MEIS1: variants seen among roughly 807,000 people sequenced by gnomAD.
The protein encoded by MEIS1 is homeobox protein Meis1.
A neutral mutation model predicts 50.8 loss-of-function variants in MEIS1; 5 were observed. That is an observed-to-expected ratio of 0.10 (90% CI 0.05 to 0.21). The LOEUF is 0.21. Among genes scored for constraint, MEIS1 ranks in the 10% least tolerant of loss-of-function variants. The pLI is 1.00. For missense variants in MEIS1, 318 were observed against 517.3 expected (o/e 0.61, Z 3.74); for synonymous variants, 176 against 179.3 (o/e 0.98, Z 0.15).
At chr2:66,444,489 G>C (rs1453505971) in intron 6 of MEIS1, among the ~76,000 whole-genome samples, 2 of 152,242 alleles carry the variant, frequency 1.3e-5, no homozygotes, top group African/African-American at 2.4e-5. Context: ...TGGGGAGCGA[G>C]AAACAGGCAG....
chr2:66,555,280 C>CTCTCTCTCTCTCTCTCTCTCCCTCT (rs10695722), intron 9 of MEIS1, among the ~76,000 whole-genome samples: 4 of 133,922 alleles, frequency 3.0e-5, no homozygotes, highest in African/African-American at 1.1e-4. Flanking sequence ...CTCTCTCTCT[C>CTCTCTCTCTCTCTCTCTCTCCCTCT]GTCTCTCTCC....
chr2:66,484,173 G>A (rs574140531), intron 7 of MEIS1, among the ~76,000 whole-genome samples: 111 of 152,198 alleles, frequency 7.3e-4, no homozygotes, highest in African/African-American at 2.7e-3. Flanking sequence ...GTAAGTTATG[G>A]GGAAGCAAAA....
chr2:66,453,520 C>T (rs142490508), intron 6 of MEIS1, among the ~76,000 whole-genome samples: 2 of 152,008 alleles, frequency 1.3e-5, no homozygotes, highest in African/African-American at 2.4e-5. Flanking sequence ...AGAAAGGCCT[C>T]CCTGATTATT....
intron 7 of MEIS1, chr2:66,509,228 A>G (rs911231758): frequency 1.1e-5 from 4 of 356,580 alleles, no homozygotes; most frequent in African/African-American, 2.2e-5. Context: ...AATCTATGAA[A>G]GTGTTTGCTT....
chr2:66,497,644 C>T (rs540829389), intron 7 of MEIS1, among the ~76,000 whole-genome samples: 7 of 152,240 alleles, frequency 4.6e-5, no homozygotes, highest in South Asian at 4.2e-4. Flanking sequence ...CCTGTAATTC[C>T]AGCACTTTAG....
chr2:66,439,850 C>G lies in MEIS1; in HGVS notation c.247C>G (p.Leu83Val). 6.2e-7 allele frequency: 1 copy of G among 1,613,122 alleles called. No individual in the cohort carries two copies. Among genetic ancestry groups the G allele is most frequent in the East Asian group, 2.2e-5 (1 of 44,844 alleles). ...TGTTGTATTTTCTTGCAGACACCCC[C>G]TCTTCCCTCTCTTAGCACTGATTTT... ...RDKDAIYGHP[L>V]FPLLALIFEK... Residue 83 changes from leucine (L) to valine (V), a missense_variant, in exon 3 of 13, where the codon CTC becomes GTC. Leu to Val is a conservative substitution (Grantham distance 32, BLOSUM62 1). Coordinates refer to ENST00000272369, the MANE Select transcript of MEIS1 (RefSeq NM_002398.3).
intron 7 of MEIS1, among the ~76,000 whole-genome samples, chr2:66,498,241 T>C (rs1330047030): frequency 6.6e-6 from 1 of 152,124 alleles, no homozygotes; most frequent in African/African-American, 2.4e-5. Context: ...TGCCAAACGA[T>C]GCGCGAAACA....
chr2:66,464,185 A>G lies in MEIS1; in HGVS notation c.707A>G (p.His236Arg). 1 of 1,603,880 alleles carries G rather than the reference A, an allele frequency of 6.2e-7. No homozygotes were observed. Among genetic ancestry groups the G allele is most frequent in the Non-Finnish European group, 8.5e-7 (1 of 1,175,434 alleles). ...ACCCCAGGCCCTTCCAGCGGTGGCCACACGTCACACAGTGGGGACAACAGC... is the reference window on the plus strand; with the variant it reads ...ACCCCAGGCCCTTCCAGCGGTGGCCGCACGTCACACAGTGGGGACAACAGC... ...GGTPGPSSGGHTSHSGDNSSE... is the reference protein window; with the variant it reads ...GGTPGPSSGGRTSHSGDNSSE... The change falls in exon 7 of 13, where the codon CAC becomes CGC. Residue 236 changes from histidine to arginine, a missense_variant. This residue lies in a region of MEIS1 where 48 missense variants were observed against 50.9 expected (regional missense o/e 0.94). Transcript: ENST00000272369.
At chr2:66,472,373 G>T (rs1240158041) in intron 7 of MEIS1, among the ~76,000 whole-genome samples, 1 of 152,164 alleles carries the variant, frequency 6.6e-6, no homozygotes, top group East Asian at 1.9e-4. Context: ...ATATTATCAT[G>T]AGTTGTGTTT....
rs551308236 is a variant in MEIS1 at position 66,435,558 on chromosome 2, CTT to C, written c.-287_-286del. 4.7e-4 allele frequency: 143 copies of C among 306,308 alleles called. No individual in the cohort carries two copies. The highest frequency in any genetic ancestry group is 1.7e-3 in the Middle Eastern group (2 of 1,148). 19.0% of individuals were successfully genotyped at this position (306,308 alleles called of 1,614,324 possible). On this transcript the variant is annotated 5_prime_UTR_variant, in exon 1 of 13. Coordinates refer to ENST00000272369, the MANE Select transcript of MEIS1 (RefSeq NM_002398.3). ...TTTTTTTCCTTTTCTTTCTTTCTTT[CTT>C]TTTTTTTTTTTAAACTGATTTTTGG...
chr2:66,526,101 A>G (rs563682951), intron 8 of MEIS1, among the ~76,000 whole-genome samples: 1 of 152,344 alleles, frequency 6.6e-6, no homozygotes, highest in South Asian at 2.1e-4. Context: ...ATTTCGCAGC[A>G]TCCTGGAAGG....
intron 7 of MEIS1, among the ~76,000 whole-genome samples, chr2:66,488,414 C>T (rs1172766066): frequency 6.6e-6 from 1 of 152,182 alleles, no homozygotes; most frequent in Non-Finnish European, 1.5e-5. Flanking sequence ...TGCAGTGGCT[C>T]AAGCCTGTAA....
intron 11 of MEIS1, 111 bp downstream of exon 11, chr2:66,568,867 C>A: frequency 8.7e-7 from 1 of 1,152,676 alleles, no homozygotes; most frequent in South Asian, 1.2e-5. Flanking sequence ...AGCTGGCTGC[C>A]TTGCCTTGTC....
At chr2:66,523,111 TA>T (rs1674166268) in intron 8 of MEIS1, among the ~76,000 whole-genome samples, 1 of 152,220 alleles carries the variant, frequency 6.6e-6, no homozygotes, top group African/African-American at 2.4e-5. Context: ...CATAGCAATT[TA>T]AGGGAAATAT....
At chr2:66,557,220 G>C (rs535628194) in intron 9 of MEIS1, among the ~76,000 whole-genome samples, 1 of 152,234 alleles carries the variant, frequency 6.6e-6, no homozygotes, top group Non-Finnish European at 1.5e-5. Flanking sequence ...GCTAGGACTG[G>C]TTCCTAGTCC....
In MEIS1 at chr2:66,437,919, C is replaced by T; in HGVS notation, c.195C>T (p.Ser65=). The T allele has an allele frequency of 6.2e-7, 1 of 1,602,280 alleles. No individual in the cohort carries two copies. ...ACGCCATGGCCCCCAGCATGGGCTC[C>T]TCTGTCAATGACGCTTTAAAGAGAG... ...HTNAMAPSMG[S]SVNDALKRDK... Residue 65 remains serine (S), a synonymous_variant, in exon 2 of 13, where the codon TCC becomes TCT. Transcript: ENST00000272369.
intron 7 of MEIS1, among the ~76,000 whole-genome samples, chr2:66,506,411 G>C (rs1673685753): frequency 6.6e-6 from 1 of 152,162 alleles, no homozygotes; most frequent in Admixed American, 6.5e-5. Context: ...AAGAGGTAGA[G>C]AGAGCAGTGC....
intron 8 of MEIS1, among the ~76,000 whole-genome samples, chr2:66,524,123 G>GA (rs1674192092): frequency 6.6e-6 from 1 of 152,172 alleles, no homozygotes; most frequent in Non-Finnish European, 1.5e-5. Context: ...TTGTTGGAGA[G>GA]AAAAAGAGTT....
intron 7 of MEIS1, among the ~76,000 whole-genome samples, chr2:66,499,009 G>A (rs557238628): frequency 3.9e-5 from 6 of 152,280 alleles, no homozygotes; most frequent in South Asian, 2.1e-4. Flanking sequence ...TGTGAAGTAC[G>A]ATTATTTTCA....
Sources: allele counts gnomAD v4.1 joint callset (sites outside exome capture counted in the v4.1 genomes callset), GRCh38; gene constraint gnomAD v4.1.1; regional missense constraint gnomAD v4.1.1; transcripts MANE v1.5; gene names NCBI Gene and HGNC (gene_info 2026-07-23, HGNC 2026-07-21).